Variants in MYO6 observed in about 807,000 individuals in gnomAD.
The protein encoded by MYO6 is unconventional myosin-VI.
MYO6 carries 74 observed loss-of-function variants against 178.7 expected under a neutral mutation model. That is an observed-to-expected ratio of 0.41 (90% CI 0.34 to 0.50). MYO6 has a LOEUF of 0.50. Ranked by LOEUF, MYO6 falls within the 20% of genes least tolerant of loss-of-function variation. MYO6 has a pLI of 0.09. For synonymous variants in MYO6, 477 were observed against 504.6 expected, an observed-to-expected ratio of 0.95 and a Z score of 0.73; for missense variants, 1,330 against 1,547.4, an observed-to-expected ratio of 0.86 and a Z score of 2.36.
chr6:75,763,645 A>G (rs1358115101), intron 1 of MYO6, among the ~76,000 whole-genome samples: 3 of 152,206 alleles, frequency 2.0e-5, no homozygotes, highest in Non-Finnish European at 4.4e-5. Flanking sequence ...TATCTACAGT[A>G]AGAATAATAT....
chr6:75,904,719 C>G (rs1780127383), intron 30 of MYO6, among the ~76,000 whole-genome samples: 1 of 152,230 alleles, frequency 6.6e-6, no homozygotes. Context: ...AAGCCTTCTT[C>G]TCTCAGCTCG....
At chr6:75,822,286 C>T (rs1158044882) in intron 2 of MYO6, among the ~76,000 whole-genome samples, 8 of 151,918 alleles carry the variant, frequency 5.3e-5, no homozygotes, top group African/African-American at 1.7e-4. Context: ...TTAGTAGAGA[C>T]GGAGTTCTAC....
chr6:75,854,784 T>C (rs1432681952), intron 11 of MYO6, among the ~76,000 whole-genome samples: 5 of 152,172 alleles, frequency 3.3e-5, no homozygotes, highest in Non-Finnish European at 7.4e-5. Flanking sequence ...CTTGAAGTCA[T>C]ATGAATTTTA....
In MYO6 at chr6:75,916,454, A is replaced by G. The variant is rs1781123881; in HGVS notation, c.*1442A>G. On this transcript the variant is annotated 3_prime_UTR_variant, in exon 35 of 35. Coordinates refer to ENST00000369977, the MANE Select transcript of MYO6 (RefSeq NM_004999.4). ...GATACATTCAAATGATTGTCAAGTTAAATTAAATGGTTGTGTCTGTGCTAT... is the reference window on the plus strand; with the variant it reads ...GATACATTCAAATGATTGTCAAGTTGAATTAAATGGTTGTGTCTGTGCTAT... 6.6e-6 allele frequency: 1 copy of G among 152,614 alleles called. No individual in the cohort carries two copies. Among genetic ancestry groups the G allele is most frequent in the African/African-American group, 2.4e-5 (1 of 41,438 alleles). The allele number at this position is 152,614 out of a possible 1,614,324, so 9.5% of individuals were successfully genotyped here.
chr6:75,866,976 T>G lies in MYO6; in HGVS notation c.1815T>G (p.Leu605=). 2 of 1,613,968 alleles carry G rather than the reference T, an allele frequency of 1.2e-6. No individual in the cohort carries two copies. Among genetic ancestry groups the G allele is most frequent in the Non-Finnish European group, 1.7e-6 (2 of 1,179,870 alleles). The change falls in exon 18 of 35, where the codon CTT becomes CTG. Residue 605 remains leucine, a synonymous_variant. Transcript: ENST00000369977. ...ATAATGATGCTTTACATATGTCTCT[T>G]GAATCCTTAATATGTGAATCCAGAG... ...EKNNDALHMS[L]ESLICESRDK...
intron 6 of MYO6, among the ~76,000 whole-genome samples, chr6:75,834,575 A>G (rs1366833402): frequency 6.6e-6 from 1 of 152,152 alleles, no homozygotes; most frequent in African/African-American, 2.4e-5. Context: ...AATGGAAGGA[A>G]TCATAACACT....
chr6:75,770,204 T>C (rs1302806763), intron 1 of MYO6, among the ~76,000 whole-genome samples: 1 of 152,186 alleles, frequency 6.6e-6, no homozygotes, highest in African/African-American at 2.4e-5. Flanking sequence ...TGAGGCCCTT[T>C]CCAGAAGCAG....
chr6:75,835,548 C>A (rs910680638), intron 6 of MYO6, among the ~76,000 whole-genome samples: 10 of 152,152 alleles, frequency 6.6e-5, no homozygotes, highest in African/African-American at 1.9e-4. Context: ...TCTCCTGCCC[C>A]AGCCTCCTGA....
intron 29 of MYO6, among the ~76,000 whole-genome samples, chr6:75,897,266 G>C (rs1017828836): frequency 1.3e-5 from 2 of 152,188 alleles, no homozygotes; most frequent in African/African-American, 2.4e-5. Flanking sequence ...ATCAAAATCT[G>C]CTGCATTTAA....
At chr6:75,817,687 G>C in intron 2 of MYO6, 23 bp downstream of exon 2, 4 of 1,595,160 alleles carry the variant, frequency 2.5e-6, no homozygotes, top group Non-Finnish European at 3.4e-6. Flanking sequence ...GAAAGATGTT[G>C]AAATATGATT....
intron 1 of MYO6, among the ~76,000 whole-genome samples, chr6:75,816,961 A>G (rs921874742): frequency 4.6e-5 from 7 of 152,220 alleles, no homozygotes; most frequent in Non-Finnish European, 1.0e-4. Context: ...AGGCAGTAGT[A>G]GAGCAGGTGT....
chr6:75,797,730 C>T (rs1769015899), intron 1 of MYO6, among the ~76,000 whole-genome samples: 1 of 152,020 alleles, frequency 6.6e-6, no homozygotes, highest in African/African-American at 2.4e-5. Flanking sequence ...GACGAGGTTT[C>T]ACCATGTTAG....
chr6:75,875,817 A>G (rs370437456), intron 20 of MYO6, among the ~76,000 whole-genome samples: 6 of 152,028 alleles, frequency 3.9e-5, no homozygotes, highest in Admixed American at 6.6e-5. Context: ...GTATTCTCCT[A>G]TCTCTTCAGT....
intron 1 of MYO6, among the ~76,000 whole-genome samples, chr6:75,792,350 C>T (rs1178090725): frequency 6.6e-6 from 1 of 152,000 alleles, no homozygotes; most frequent in Non-Finnish European, 1.5e-5. Context: ...ATCTTGTTAA[C>T]AAAAGAAGCT....
At chr6:75,836,084 A>T in intron 7 of MYO6, 128 bp downstream of exon 7, 1 of 731,832 alleles carries the variant, frequency 1.4e-6, no homozygotes, top group Admixed American at 2.0e-5. Context: ...CATTGCTCAT[A>T]TATCATCTTG....
chr6:75,753,130 A>C (rs148449669), intron 1 of MYO6, among the ~76,000 whole-genome samples: 3 of 152,262 alleles, frequency 2.0e-5, no homozygotes, highest in African/African-American at 7.2e-5. Context: ...TCTGGTAACA[A>C]ACTAGGAATC....
intron 23 of MYO6, among the ~76,000 whole-genome samples, chr6:75,883,984 C>T (rs1778235614): frequency 6.6e-6 from 1 of 152,038 alleles, no homozygotes; most frequent in African/African-American, 2.4e-5. Context: ...AAAAAGATAG[C>T]AGAATCTTTT....
intron 1 of MYO6, among the ~76,000 whole-genome samples, chr6:75,772,049 C>A (rs1217167060): frequency 6.6e-6 from 1 of 152,114 alleles, no homozygotes; most frequent in Non-Finnish European, 1.5e-5. Flanking sequence ...ACACTTGATA[C>A]AAAATTTGAA....
At chr6:75,832,531 C>T (rs865934913) in intron 5 of MYO6, among the ~76,000 whole-genome samples, 17 of 152,162 alleles carry the variant, frequency 1.1e-4, no homozygotes, top group African/African-American at 3.6e-4. Context: ...TTTTTAATCC[C>T]TCTGCAGATC....
Sources: allele counts gnomAD v4.1 joint callset (sites outside exome capture counted in the v4.1 genomes callset), GRCh38; gene constraint gnomAD v4.1.1; transcripts MANE v1.5; gene names NCBI Gene and HGNC (gene_info 2026-07-23, HGNC 2026-07-21).